The following EHHADH variants were observed in gnomAD, a reference collection of about 807,000 sequenced individuals.
EHHADH encodes the protein peroxisomal bifunctional enzyme.
In EHHADH, 48 loss-of-function variants were observed where a neutral mutation model predicts 64.4. The ratio of observed to expected loss-of-function variants is 0.75; its 90% CI spans 0.59 to 0.95. EHHADH has a LOEUF of 0.95. EHHADH is among the 40% of genes least tolerant of loss of function. EHHADH has a pLI of 0.00. For synonymous variants in EHHADH, 308 were observed against 326.7 expected (o/e 0.94, Z 0.62); for missense variants, 854 against 876.6 (o/e 0.97, Z 0.33).
intron 1 of EHHADH, 187 bp downstream of exon 1, chr3:185,253,761 TA>T (rs60892892): frequency 0.22 from 218,091 of 1,012,524 alleles, 1 homozygote; most frequent in Middle Eastern, 0.24. Flanking sequence ...TAATCTAGGT[TA>T]AAAAAAAAAA....
In EHHADH at chr3:185,204,678, G is replaced by T; in HGVS notation, c.648C>A (p.Ala216=). The T allele has an allele frequency of 6.2e-7, 1 of 1,614,134 alleles. No homozygotes were observed. ...LPNMDSIFSE[A]LLKMRRQHPG... is the part of the protein sequence containing the mutation. Reference sequence around the variant, plus strand: ...GGTGCTGCCTCCGCATCTTCAAGAGGGCCTCACTAAAAATGCTGTCCATGT... The same window carrying T: ...GGTGCTGCCTCCGCATCTTCAAGAGTGCCTCACTAAAAATGCTGTCCATGT... Residue 216 remains alanine (A), a synonymous_variant, in exon 6 of 7, where the codon GCC becomes GCA. Coordinates refer to ENST00000231887, the MANE Select transcript of EHHADH (RefSeq NM_001966.4).
At chr3:185,201,510 T>C (rs1330728876) in intron 6 of EHHADH, among the ~76,000 whole-genome samples, 1 of 152,072 alleles carries the variant, frequency 6.6e-6, no homozygotes, top group Non-Finnish European at 1.5e-5. Context: ...CAGATGCAGG[T>C]CCTCAGGGTA....
At chr3:185,241,081 C>T (rs1218680988) in intron 2 of EHHADH, among the ~76,000 whole-genome samples, 1 of 151,864 alleles carries the variant, frequency 6.6e-6, no homozygotes, top group African/African-American at 2.4e-5. Context: ...TCCTGAGTTA[C>T]TTTACTTAGA....
chr3:185,195,416 A>G (rs1233215736), intron 6 of EHHADH, among the ~76,000 whole-genome samples: 1 of 152,218 alleles, frequency 6.6e-6, no homozygotes, highest in African/African-American at 2.4e-5. Flanking sequence ...AATTTTTTAA[A>G]TGGTACAGTT....
intron 5 of EHHADH, among the ~76,000 whole-genome samples, chr3:185,207,490 A>T (rs1298474259): frequency 3.3e-5 from 5 of 152,172 alleles, no homozygotes; most frequent in Non-Finnish European, 7.4e-5. Flanking sequence ...AATATGAGGA[A>T]AGGAGACCAA....
At chr3:185,253,476 G>A (rs1289809606) in intron 1 of EHHADH, among the ~76,000 whole-genome samples, 3 of 148,208 alleles carry the variant, frequency 2.0e-5, no homozygotes, top group Non-Finnish European at 3.0e-5. Context: ...ATTAAATGAC[G>A]AGTTAATGGG....
chr3:185,211,632 G>A (rs565569025), intron 5 of EHHADH, among the ~76,000 whole-genome samples: 2 of 152,278 alleles, frequency 1.3e-5, no homozygotes, highest in Admixed American at 1.3e-4. Flanking sequence ...AGGACAGACA[G>A]AATAACTGCA....
intron 2 of EHHADH, among the ~76,000 whole-genome samples, chr3:185,240,799 T>C (rs1443284495): frequency 6.6e-6 from 1 of 152,134 alleles, no homozygotes; most frequent in African/African-American, 2.4e-5. Context: ...TATTTCTTTT[T>C]TCTGTTTTTA....
At chr3:185,237,410 T>C (rs983243913) in intron 2 of EHHADH, among the ~76,000 whole-genome samples, 4 of 152,182 alleles carry the variant, frequency 2.6e-5, no homozygotes, top group Admixed American at 6.5e-5. Context: ...TCAAAAGAAA[T>C]AGTGAGAGCA....
At chr3:185,222,679 T>G (rs1718867723) in intron 4 of EHHADH, among the ~76,000 whole-genome samples, 1 of 152,186 alleles carries the variant, frequency 6.6e-6, no homozygotes, top group South Asian at 2.1e-4. Flanking sequence ...ACTACACATT[T>G]GTGAGAAAGG....
At chr3:185,226,316 G>T (rs1718974066) in intron 4 of EHHADH, among the ~76,000 whole-genome samples, 1 of 152,204 alleles carries the variant, frequency 6.6e-6, no homozygotes, top group African/African-American at 2.4e-5. Context: ...GCCAAGGTCA[G>T]CACCATCTAG....
rs1029162690 is a variant in EHHADH at position 185,246,125 on chromosome 3, G to C, written c.178+2289C>G. 1.5e-5 allele frequency: 18 copies of C among 1,216,990 alleles called. 1 individual carries two copies. In the South Asian group the frequency reaches 2.2e-4, roughly 15 times the overall value. The allele number at this position is 1,216,990 out of a possible 1,614,324, so 75.4% of individuals were successfully genotyped here. On this transcript the variant is annotated intron_variant, in intron 2 of 6. Transcript: ENST00000231887. Reference sequence around the variant, plus strand: ...TCATCCTCTGGTTCAGCTGGTTCTTGAACATCACTTTCAATCTTAAGATCC... The same window carrying C: ...TCATCCTCTGGTTCAGCTGGTTCTTCAACATCACTTTCAATCTTAAGATCC...
At chr3:185,222,969 C>A (rs62288660) in intron 4 of EHHADH, among the ~76,000 whole-genome samples, 1,731 of 152,170 alleles carry the variant, frequency 0.011, 14 homozygotes, top group Non-Finnish European at 0.018. Context: ...AAATCTTTAC[C>A]AAGACACATC....
intron 2 of EHHADH, among the ~76,000 whole-genome samples, chr3:185,239,849 T>A (rs1429715965): frequency 6.6e-6 from 1 of 152,182 alleles, no homozygotes; most frequent in Non-Finnish European, 1.5e-5. Context: ...GGCATCCTTG[T>A]CTTGTTCCAG....
In EHHADH at chr3:185,192,127, T is replaced by TTTCA; in HGVS notation, c.*95_*98dup. On this transcript the variant is annotated 3_prime_UTR_variant, in exon 7 of 7. Transcript: ENST00000231887. ...TAATGATTATTTATTTTGCTTTGTA[T>TTTCA]TTCAGAACAATCTTACTTTGGATTT... is the stretch of plus-strand genomic sequence containing the variant. 1.5e-6 allele frequency: 2 copies of TTTCA among 1,361,960 alleles called. No individual in the cohort carries two copies. The highest frequency in any genetic ancestry group is 4.5e-5 in the Admixed American group (2 of 44,176). The allele number at this position is 1,361,960 out of a possible 1,614,324, so 84.4% of individuals were successfully genotyped here.
chr3:185,229,547 T>C lies in EHHADH; in HGVS notation c.352-4A>G. ...CTTCTGGTAAGCCAACTTGAGCCTA[T>C]CAAAGATTGAAGGCATAAAGGCCAT... On this transcript the variant is annotated splice_region_variant and splice_polypyrimidine_tract_variant and intron_variant, in intron 3 of 6. Transcript: ENST00000231887. The C allele has an allele frequency of 6.5e-7, 1 of 1,550,266 alleles. No individual in the cohort carries two copies. The highest frequency in any genetic ancestry group is 2.3e-5 in the East Asian group (1 of 43,366).
chr3:185,237,553 A>G lies in EHHADH; in HGVS notation c.179-2091T>C, dbSNP rs572635697. On this transcript the variant is annotated intron_variant, in intron 2 of 6. Transcript: ENST00000231887. Reference sequence around the variant, plus strand: ...TTCTTTTTGTACCTCATTTACTAAGAATGTTTCTTCTTAATGCACGTCAAA... The same window carrying G: ...TTCTTTTTGTACCTCATTTACTAAGGATGTTTCTTCTTAATGCACGTCAAA... 3.0e-4 allele frequency among the ~76,000 whole-genome samples: 46 copies of G among 152,272 alleles called. 1 individual carries two copies. The South Asian group carries it at 9.3e-3, about 31-fold the overall frequency.
intron 6 of EHHADH, among the ~76,000 whole-genome samples, chr3:185,193,960 T>G (rs1447006737): frequency 6.6e-6 from 1 of 152,192 alleles, no homozygotes; most frequent in African/African-American, 2.4e-5. Context: ...TAAATGTTTT[T>G]GTATCAGACA....
chr3:185,204,253 C>A (rs181605142), intron 6 of EHHADH, among the ~76,000 whole-genome samples, 163 bp downstream of exon 6: 2 of 151,994 alleles, frequency 1.3e-5, no homozygotes, highest in African/African-American at 4.8e-5. Context: ...GTCTCTAGGC[C>A]TCTCATGTTA....
Sources: gnomAD v4.1 joint callset for allele counts (sites outside exome capture counted in the v4.1 genomes callset) on GRCh38, gnomAD v4.1.1 for gene constraint, MANE v1.5 for transcripts, NCBI Gene and HGNC (gene_info 2026-07-23, HGNC 2026-07-21) for gene names.